Variants in NFATC2 observed in about 807,000 individuals in gnomAD.
NFATC2 encodes nuclear factor of activated T-cells, cytoplasmic 2.
A neutral mutation model predicts 87.3 loss-of-function variants in NFATC2; 22 were observed. The ratio of observed to expected loss-of-function variants is 0.25; its 90% CI spans 0.18 to 0.36. The LOEUF (loss-of-function observed/expected upper bound fraction) is 0.36. NFATC2 is among the 10% of genes least tolerant of loss of function. The pLI, the probability that NFATC2 is intolerant of heterozygous loss-of-function variation, is 1.00. For synonymous variants in NFATC2, 565 were observed against 542.2 expected (o/e 1.04, Z -0.58); for missense variants, 1,149 against 1,259.1 (o/e 0.91, Z 1.32).
intron 6 of NFATC2, among the ~76,000 whole-genome samples, chr20:51,445,635 C>G (rs920323361): frequency 3.9e-5 from 6 of 152,222 alleles, no homozygotes; most frequent in African/African-American, 1.4e-4. Context: ...ACGCTTTTCT[C>G]TCTTGGGCCT....
chr20:51,521,518 G>A (rs540998766), intron 2 of NFATC2, among the ~76,000 whole-genome samples: 29 of 152,228 alleles, frequency 1.9e-4, no homozygotes, highest in African/African-American at 6.3e-4. Context: ...ATGGGGTTTC[G>A]CCATGTTGGC....
At chr20:51,410,915 G>A (rs1250687740) in intron 9 of NFATC2, among the ~76,000 whole-genome samples, 1 of 152,134 alleles carries the variant, frequency 6.6e-6, no homozygotes, top group Non-Finnish European at 1.5e-5. Context: ...GAACCACAGA[G>A]CAGGAACCTC....
intron 3 of NFATC2, among the ~76,000 whole-genome samples, chr20:51,479,280 T>A (rs1989024621): frequency 6.6e-6 from 1 of 152,236 alleles, no homozygotes; most frequent in African/African-American, 2.4e-5. Context: ...TGCTATTTTG[T>A]TAGCATGGTC....
chr20:51,464,446 C>T (rs73271806), intron 5 of NFATC2, among the ~76,000 whole-genome samples: 20,154 of 152,250 alleles, frequency 0.13, 1,580 homozygotes, highest in African/African-American at 0.22. Context: ...GATTTGAACC[C>T]AAGCTACCTG....
intron 9 of NFATC2, among the ~76,000 whole-genome samples, chr20:51,402,016 G>GAATC (rs1433387823): frequency 6.6e-6 from 1 of 152,198 alleles, no homozygotes; most frequent in Non-Finnish European, 1.5e-5. Flanking sequence ...GAACCAATGG[G>GAATC]AATCAGGCAC....
In NFATC2 at chr20:51,398,681, T is replaced by C; in HGVS notation, c.*6A>G. 2 of 1,613,160 alleles carry C rather than the reference T, an allele frequency of 1.2e-6. No individual in the cohort carries two copies. The highest frequency in any genetic ancestry group is 1.7e-6 in the Non-Finnish European group (2 of 1,179,492). On this transcript the variant is annotated 3_prime_UTR_variant, in exon 10 of 11. Transcript: ENST00000371564. ...TTCTCGGATCAAAGATCACAGTCAT[T>C]CTGTTTCATAATATGTTTTGTATCC... is the stretch of plus-strand genomic sequence containing the variant.
intron 3 of NFATC2, among the ~76,000 whole-genome samples, chr20:51,506,291 G>A (rs1352569253): frequency 2.6e-5 from 4 of 152,230 alleles, no homozygotes; most frequent in Admixed American, 2.0e-4. Context: ...AGCAGAGGCT[G>A]CATGCCTGCC....
intron 5 of NFATC2, among the ~76,000 whole-genome samples, chr20:51,465,220 T>C (rs1987556832): frequency 6.6e-6 from 1 of 152,072 alleles, no homozygotes; most frequent in Non-Finnish European, 1.5e-5. Flanking sequence ...AAACCCCGTC[T>C]CTACTAAAAA....
chr20:51,399,376 T>C (rs1254905490), intron 9 of NFATC2, among the ~76,000 whole-genome samples: 1 of 152,174 alleles, frequency 6.6e-6, no homozygotes, highest in Non-Finnish European at 1.5e-5. Context: ...GTCTTCCCAA[T>C]CCCCTTTGGC....
chr20:51,433,759 A>ATGTGTGTG (rs59775939), intron 8 of NFATC2, among the ~76,000 whole-genome samples: 10 of 146,078 alleles, frequency 6.8e-5, no homozygotes, highest in East Asian at 2.0e-4. Context: ...TCATGCATGC[A>ATGTGTGTG]TGTGTGTGTG....
intron 9 of NFATC2, among the ~76,000 whole-genome samples, chr20:51,405,862 C>T (rs577986357): frequency 4.6e-5 from 7 of 152,276 alleles, no homozygotes; most frequent in South Asian, 2.1e-4. Flanking sequence ...CAGCAACCTC[C>T]GCCTCCCAGG....
chr20:51,408,447 T>G (rs1431214544), intron 9 of NFATC2, among the ~76,000 whole-genome samples: 1 of 138,964 alleles, frequency 7.2e-6, no homozygotes, highest in African/African-American at 2.9e-5. Flanking sequence ...CCAGGAGGCG[T>G]AGGTTGCAGT....
chr20:51,474,231 C>T (rs1210223666), intron 4 of NFATC2, 79 bp from the exon 5 acceptor site: 2 of 1,538,466 alleles, frequency 1.3e-6, no homozygotes, highest in Non-Finnish European at 1.8e-6. Flanking sequence ...TGCCAGTCTA[C>T]AGCCAGTCAC....
At chr20:51,456,700 C>G (rs981748400) in intron 5 of NFATC2, among the ~76,000 whole-genome samples, 2 of 152,218 alleles carry the variant, frequency 1.3e-5, no homozygotes, top group African/African-American at 4.8e-5. Flanking sequence ...GGGCAGAGGG[C>G]CAGCCCCTTC....
intron 5 of NFATC2, among the ~76,000 whole-genome samples, chr20:51,462,708 G>T (rs1987284993): frequency 6.6e-6 from 1 of 152,080 alleles, no homozygotes. Context: ...CTAATCCATG[G>T]GCCTGCGTGG....
intron 3 of NFATC2, among the ~76,000 whole-genome samples, chr20:51,515,558 T>C (rs899990883): frequency 6.6e-6 from 1 of 152,204 alleles, no homozygotes; most frequent in East Asian, 1.9e-4. Flanking sequence ...CCAGTATATA[T>C]CATCACGATG....
At chr20:51,443,853 G>A (rs1229874297) in intron 6 of NFATC2, among the ~76,000 whole-genome samples, 2 of 152,000 alleles carry the variant, frequency 1.3e-5, no homozygotes, top group Non-Finnish European at 2.9e-5. Flanking sequence ...CAGAGGGGAA[G>A]AGAAAGGAGC....
intron 9 of NFATC2, among the ~76,000 whole-genome samples, chr20:51,429,982 C>G (rs964175324): frequency 6.6e-6 from 1 of 152,112 alleles, no homozygotes; most frequent in Non-Finnish European, 1.5e-5. Context: ...AAAAGGGTCT[C>G]GGTGCTCAGC....
chr20:51,432,145 T>C lies in NFATC2; in HGVS notation c.2644A>G (p.Ser882Gly). 6.3e-7 allele frequency: 1 copy of C among 1,594,500 alleles called. No homozygotes were observed. The highest frequency in any genetic ancestry group is 1.1e-5 in the South Asian group (1 of 88,560). Reference sequence around the variant, plus strand: ...GCAGGTAATACTTCCTTTTGGTCACTGACCGGGGGTCCGTTTTTGGCGGCT... The same window carrying C: ...GCAGGTAATACTTCCTTTTGGTCACCGACCGGGGGTCCGTTTTTGGCGGCT... ...QRAAKNGPPV[S>G]DQKEVLPAGV... is the part of the protein sequence containing the mutation. Residue 882 changes from serine (S) to glycine (G), a missense_variant, in exon 9 of 11, where the codon AGT becomes GGT. Physicochemically the swap from Ser to Gly is moderately conservative, Grantham distance 56 (BLOSUM62 0). Transcript: ENST00000371564. The surrounding 1 kb of genome is among the most constrained non-coding windows in gnomAD (Gnocchi z 4.6).
Sources: gnomAD v4.1 joint callset for allele counts (sites outside exome capture counted in the v4.1 genomes callset) on GRCh38, gnomAD v4.1.1 for gene constraint, Gnocchi (gnomAD v3.1) non-coding constraint, MANE v1.5 for transcripts, NCBI Gene and HGNC (gene_info 2026-07-23, HGNC 2026-07-21) for gene names.